PGAP1: variants seen among roughly 807,000 people sequenced by gnomAD.
PGAP1 encodes the protein post-GPI attachment to proteins inositol deacylase 1.
A neutral mutation model predicts 127.0 loss-of-function variants in PGAP1; 76 were observed. The observed-to-expected ratio is 0.60, with a 90% CI of 0.50 to 0.72. The LOEUF (loss-of-function observed/expected upper bound fraction) is 0.72, where lower values mean the gene tolerates loss of function less well. Ranked by LOEUF, PGAP1 falls within the 30% of genes least tolerant of loss-of-function variation. PGAP1 has a pLI of 0.00. For missense variants in PGAP1, 982 were observed against 1,071.3 expected, an observed-to-expected ratio of 0.92 and a Z score of 1.16; for synonymous variants, 362 against 366.5, an observed-to-expected ratio of 0.99 and a Z score of 0.14.
At chr2:196,917,180 C>T (rs1179854564) in intron 2 of PGAP1, among the ~76,000 whole-genome samples, 1 of 152,156 alleles carries the variant, frequency 6.6e-6, no homozygotes, top group Non-Finnish European at 1.5e-5. Flanking sequence ...CTCTCTGCTT[C>T]CACTCTTTTT....
At chr2:196,846,868 C>G (rs1483720611) in intron 22 of PGAP1, 135 bp downstream of exon 22, 3 of 685,576 alleles carry the variant, frequency 4.4e-6, no homozygotes, top group African/African-American at 1.8e-5. Context: ...ACTTTGAACA[C>G]TAACCCATAC....
intron 5 of PGAP1, among the ~76,000 whole-genome samples, chr2:196,898,939 A>G (rs76949458): frequency 6.6e-6 from 1 of 151,972 alleles, no homozygotes; most frequent in African/African-American, 2.4e-5. Flanking sequence ...AAAAAAAAAA[A>G]TCCCTAGCTG....
intron 23 of PGAP1, among the ~76,000 whole-genome samples, chr2:196,845,386 T>C (rs977336633): frequency 6.6e-6 from 1 of 151,776 alleles, no homozygotes; most frequent in Non-Finnish European, 1.5e-5. Flanking sequence ...CTGTCAGCTT[T>C]ATCAGACACG....
intron 6 of PGAP1, among the ~76,000 whole-genome samples, chr2:196,897,851 C>G (rs1576173046): frequency 6.6e-6 from 1 of 152,120 alleles, no homozygotes; most frequent in Admixed American, 6.6e-5. Flanking sequence ...GAAACAAGAA[C>G]CAAGATGAGA....
Position 196,885,471 on chromosome 2 carries a change from G to A in PGAP1, c.1225C>T (p.Gln409Ter). Residue 409 changes from glutamine (Q) to a stop codon, truncating the protein, a stop_gained, in exon 12 of 27, where the codon CAA (glutamine) becomes TAA (stop). Transcript: ENST00000354764. LOFTEE classifies it high-confidence loss of function. The stretch of plus-strand genomic sequence containing the variant: ...GCTTTCCATGATAAATCAACCCCTT[G>A]CAGGCTTTGAAATAAATATGAAAAT... ...ACINSTSMCL[Q>*]GVDLSWKAEL... is the part of the protein sequence containing the mutation. The A allele has an allele frequency of 6.3e-7, 1 of 1,593,908 alleles. No individual in the cohort carries two copies. The highest frequency in any genetic ancestry group is 8.6e-7 in the Non-Finnish European group (1 of 1,167,872).
At chr2:196,913,334 C>T (rs1702897055) in intron 3 of PGAP1, among the ~76,000 whole-genome samples, 1 of 152,098 alleles carries the variant, frequency 6.6e-6, no homozygotes, top group African/African-American at 2.4e-5. Flanking sequence ...GGTTACACTA[C>T]ATGTAATGTG....
In PGAP1 at chr2:196,846,164, G is replaced by C. The variant is rs1700550648; in HGVS notation, c.2151-147C>G. 5.8e-5 allele frequency: 26 copies of C among 449,512 alleles called. No individual in the cohort carries two copies. In the East Asian group the frequency reaches 8.7e-4, roughly 15 times the overall value. The allele number at this position is 449,512 out of a possible 1,614,324, so 27.8% of individuals were successfully genotyped here. ...AACAACAAGGTATTTTTTAAATAAA[G>C]GCAAGTGGTCCCAAATATTTGATTT... On this transcript the variant is annotated intron_variant, in intron 22 of 26. Coordinates refer to ENST00000354764, the MANE Select transcript of PGAP1 (RefSeq NM_024989.4).
Position 196,875,746 on chromosome 2 carries a change from CA to C in PGAP1, c.1425del (p.Phe475LeufsTer10). The C allele has an allele frequency of 1.3e-6, 2 of 1,523,390 alleles. No individual in the cohort carries two copies. The highest frequency in any genetic ancestry group is 1.8e-6 in the Non-Finnish European group (2 of 1,103,714). 94.4% of individuals were successfully genotyped at this position (1,523,390 alleles called of 1,614,324 possible). On this transcript the variant is annotated frameshift_variant and splice_region_variant, in exon 14 of 27. Coordinates refer to ENST00000354764, the MANE Select transcript of PGAP1 (RefSeq NM_024989.4). LOFTEE classifies it high-confidence loss of function. ...TGCTTTCCAAAAACAAAGTACTTAC[CA>C]AAGGAAAAAAGATGAGTTACAGGAA... is the stretch of plus-strand genomic sequence containing the variant. ...IQLPVTHLFS[F>X]GLSSRKVVLN... is the part of the protein sequence containing the mutation.
rs891960598 is a variant in PGAP1, at chr2:196,841,138, A to G, written c.*96T>C. The stretch of plus-strand genomic sequence containing the variant: ...TTGTAAAAATAGACTTGTCTTCTCC[A>G]AAGGATCTTGCTGTCCATACTGATG... On this transcript the variant is annotated 3_prime_UTR_variant, in exon 27 of 27. Coordinates refer to ENST00000354764, the MANE Select transcript of PGAP1 (RefSeq NM_024989.4). 8.2e-7 allele frequency: 1 copy of G among 1,222,520 alleles called. No homozygotes were observed. Among genetic ancestry groups the G allele is most frequent in the Admixed American group, 2.7e-5 (1 of 37,256 alleles). The allele number at this position is 1,222,520 out of a possible 1,614,324, so 75.7% of individuals were successfully genotyped here.
At chr2:196,851,991 A>G (rs1237408588) in intron 20 of PGAP1, among the ~76,000 whole-genome samples, 1 of 152,174 alleles carries the variant, frequency 6.6e-6, no homozygotes, top group Non-Finnish European at 1.5e-5. Flanking sequence ...CGTGATCTGC[A>G]TTCTACAGGC....
chr2:196,873,709 A>G lies in PGAP1; in HGVS notation c.1476T>C (p.Asn492=), dbSNP rs765047434. ...CCTGTCCAAAGTTCAGAAGCTCTAG[A>G]TTGTAGTATAGGCCATTTGTATTTA... ...VVLNTNGLYY[N]LELLNFGQIY... is the part of the protein sequence containing the mutation. Residue 492 remains asparagine (N), a synonymous_variant, in exon 15 of 27, where the codon AAT becomes AAC. Transcript: ENST00000354764. 2.5e-6 allele frequency: 4 copies of G among 1,611,942 alleles called. No individual in the cohort carries two copies. Among genetic ancestry groups the G allele is most frequent in the Non-Finnish European group, 1.7e-6 (2 of 1,178,436 alleles).
chr2:196,857,528 A>G (rs1472027034), intron 20 of PGAP1, among the ~76,000 whole-genome samples: 1 of 152,208 alleles, frequency 6.6e-6, no homozygotes, highest in African/African-American at 2.4e-5. Context: ...ATCAAAATCT[A>G]ACTATGGGGT....
In PGAP1 at chr2:196,859,622, T is replaced by C. The variant is rs191251180; in HGVS notation, c.1861+5365A>G. Among the ~76,000 whole-genome samples, 374 of 152,112 alleles carry C rather than the reference T, an allele frequency of 2.5e-3. 2 individuals are homozygous for C. Among genetic ancestry groups the C allele is most frequent in the African/African-American group, 8.6e-3 (357 of 41,496 alleles). ...ATAAAGGCAAAAATCCTCTACAAAATACTAGCAAACTGACTTCAACAACAT... is the reference window on the plus strand; with the variant it reads ...ATAAAGGCAAAAATCCTCTACAAAACACTAGCAAACTGACTTCAACAACAT... On this transcript the variant is annotated intron_variant, in intron 20 of 26. Coordinates refer to ENST00000354764, the MANE Select transcript of PGAP1 (RefSeq NM_024989.4).
Position 196,841,046 on chromosome 2 carries a change from C to CCCCAAA in PGAP1, c.*187_*188insTTTGGG. 1.5e-6 allele frequency: 1 copy of CCCCAAA among 653,274 alleles called. No individual in the cohort carries two copies. The highest frequency in any genetic ancestry group is 1.8e-5 in the African/African-American group (1 of 54,862). The allele number at this position is 653,274 out of a possible 1,614,324, so 40.5% of individuals were successfully genotyped here. ...AATGATTACTACATGGATTCCACAC[C>CCCCAAA]ACAAAACAAAACCATGCTTCAACTA... On this transcript the variant is annotated 3_prime_UTR_variant, in exon 27 of 27. Transcript: ENST00000354764.
intron 12 of PGAP1, among the ~76,000 whole-genome samples, chr2:196,883,581 CT>C (rs1351518442): frequency 6.6e-6 from 1 of 152,162 alleles, no homozygotes; most frequent in Non-Finnish European, 1.5e-5. Flanking sequence ...ACTCTAATGG[CT>C]TTTAAGTATT....
At chr2:196,855,344 A>C (rs1260633142) in intron 20 of PGAP1, among the ~76,000 whole-genome samples, 2 of 151,352 alleles carry the variant, frequency 1.3e-5, no homozygotes, top group Admixed American at 6.6e-5. Flanking sequence ...AAAAAAAAAA[A>C]AATGATCCTC....
At chr2:196,895,769 T>C (rs1250135361) in intron 7 of PGAP1, among the ~76,000 whole-genome samples, 1 of 152,100 alleles carries the variant, frequency 6.6e-6, no homozygotes, top group Non-Finnish European at 1.5e-5. Context: ...GCTTTCCTCA[T>C]TGTTAAGAAT....
intron 2 of PGAP1, among the ~76,000 whole-genome samples, chr2:196,918,237 G>C (rs1332262546): frequency 6.6e-6 from 1 of 152,130 alleles, no homozygotes; most frequent in African/African-American, 2.4e-5. Flanking sequence ...AGGATGTGGA[G>C]CAAAGGAAGG....
intron 20 of PGAP1, among the ~76,000 whole-genome samples, chr2:196,851,373 C>T (rs890170205): frequency 6.6e-6 from 1 of 152,176 alleles, no homozygotes; most frequent in Non-Finnish European, 1.5e-5. Flanking sequence ...CAACCTCGGG[C>T]TGCCACCACC....
Sources: gnomAD v4.1 joint callset for allele counts (sites outside exome capture counted in the v4.1 genomes callset) on GRCh38, gnomAD v4.1.1 for gene constraint, MANE v1.5 for transcripts, NCBI Gene and HGNC (gene_info 2026-07-23, HGNC 2026-07-21) for gene names.